The following SLC1A3 variants were observed in gnomAD, a reference collection of about 807,000 sequenced individuals.
SLC1A3 encodes the protein solute carrier family 1 member 3, also known as excitatory amino acid transporter 1.
A neutral mutation model predicts 48.1 loss-of-function variants in SLC1A3; 21 were observed. The observed-to-expected ratio is 0.44, with a 90% CI of 0.31 to 0.63. SLC1A3 has a LOEUF of 0.63. Ranked by LOEUF, SLC1A3 falls within the 20% of genes least tolerant of loss-of-function variation. SLC1A3 has a pLI of 0.08. For synonymous variants in SLC1A3, 239 were observed against 251.4 expected, an observed-to-expected ratio of 0.95 and a Z score of 0.47; for missense variants, 546 against 689.0, an observed-to-expected ratio of 0.79 and a Z score of 2.32.
intron 3 of SLC1A3, chr5:36,669,761 C>A (rs1445309091): frequency 1.3e-5 from 2 of 152,072 alleles, no homozygotes; most frequent in African/African-American, 4.8e-5. Context: ...AACCAGTTAT[C>A]TGGCAATCGT....
chr5:36,623,510 G>C (rs771829702), intron 2 of SLC1A3, among the ~76,000 whole-genome samples: 20 of 151,994 alleles, frequency 1.3e-4, no homozygotes, highest in Non-Finnish European at 2.2e-4. Flanking sequence ...TCAAATAAGT[G>C]ACCACTAATG....
chr5:36,662,481 TC>T (rs1241015064), intron 3 of SLC1A3, among the ~76,000 whole-genome samples: 3 of 152,150 alleles, frequency 2.0e-5, no homozygotes, highest in East Asian at 3.8e-4. Flanking sequence ...TAATCACGAC[TC>T]CCCGGCCCAT....
intron 3 of SLC1A3, among the ~76,000 whole-genome samples, chr5:36,650,074 A>T (rs963852820): frequency 6.6e-6 from 1 of 152,232 alleles, no homozygotes; most frequent in Non-Finnish European, 1.5e-5. Flanking sequence ...CTATGGGAAT[A>T]TCAGTCTACC....
chr5:36,663,651 A>C (rs1402069815), intron 3 of SLC1A3, among the ~76,000 whole-genome samples: 1 of 152,202 alleles, frequency 6.6e-6, no homozygotes, highest in Non-Finnish European at 1.5e-5. Context: ...GTGCCATCAC[A>C]CGTGGCAAAT....
intron 7 of SLC1A3, 159 bp from the exon 8 acceptor site, chr5:36,680,236 C>T: frequency 1.4e-6 from 1 of 707,952 alleles, no homozygotes; most frequent in Non-Finnish European, 2.5e-6. Flanking sequence ...GGGGACCACA[C>T]TGTTCTTAAC....
intron 3 of SLC1A3, among the ~76,000 whole-genome samples, chr5:36,655,820 T>G (rs1299228164): frequency 6.6e-6 from 1 of 152,176 alleles, no homozygotes; most frequent in Non-Finnish European, 1.5e-5. Context: ...GACTTTTTGA[T>G]GACAGAATGG....
At chr5:36,668,956 T>C (rs1305221146) in intron 3 of SLC1A3, 1 of 152,026 alleles carries the variant, frequency 6.6e-6, no homozygotes, top group Non-Finnish European at 1.5e-5. Context: ...TAGCTGTAGG[T>C]CGAGAATAGT....
chr5:36,678,031 G>A (rs1742282881), intron 6 of SLC1A3, among the ~76,000 whole-genome samples: 2 of 152,214 alleles, frequency 1.3e-5, no homozygotes, highest in Admixed American at 6.5e-5. Flanking sequence ...ATTGACCTTG[G>A]AAAGTAAACT....
chr5:36,676,120 T>C (rs1171812878), intron 5 of SLC1A3, among the ~76,000 whole-genome samples: 4 of 152,188 alleles, frequency 2.6e-5, no homozygotes, highest in Non-Finnish European at 5.9e-5. Context: ...AACCCCACTA[T>C]AGACTTGGAG....
intron 6 of SLC1A3, 122 bp from the exon 7 acceptor site, chr5:36,679,505 T>C (rs1215896862): frequency 1.3e-6 from 1 of 762,116 alleles, no homozygotes; most frequent in African/African-American, 1.7e-5. Flanking sequence ...GTCCTAATGG[T>C]ATCCTGGGCA....
intron 1 of SLC1A3, chr5:36,607,036 A>C (rs1330074364): frequency 2.1e-5 from 1 of 46,688 alleles, no homozygotes; most frequent in Non-Finnish European, 3.9e-5. Context: ...CAGAGCTATT[A>C]GTTTAAAAAA....
intron 3 of SLC1A3, among the ~76,000 whole-genome samples, chr5:36,639,832 A>G (rs1740540840): frequency 6.6e-6 from 1 of 152,264 alleles, no homozygotes; most frequent in East Asian, 1.9e-4. Context: ...TACGCTGCGC[A>G]TGCACGCACG....
chr5:36,637,857 C>T (rs1740453938), intron 3 of SLC1A3, among the ~76,000 whole-genome samples: 1 of 152,050 alleles, frequency 6.6e-6, no homozygotes, highest in South Asian at 2.1e-4. Flanking sequence ...AGAGGTAGTG[C>T]CCAGCTTCCA....
chr5:36,653,953 C>T (rs1314454736), intron 3 of SLC1A3, among the ~76,000 whole-genome samples: 2 of 152,238 alleles, frequency 1.3e-5, no homozygotes, highest in African/African-American at 2.4e-5. Context: ...AAGTGATTCT[C>T]CTGCCTCAGC....
chr5:36,609,368 T>C (rs1739102006), intron 2 of SLC1A3: 1 of 557,598 alleles, frequency 1.8e-6, no homozygotes, highest in Non-Finnish European at 2.3e-6. Context: ...CCTACTTATT[T>C]GGAATTTTTG....
At chr5:36,644,234 G>A (rs1447094362) in intron 3 of SLC1A3, among the ~76,000 whole-genome samples, 1 of 152,050 alleles carries the variant, frequency 6.6e-6, no homozygotes, top group Non-Finnish European at 1.5e-5. Context: ...GGTGTGAGAG[G>A]ATTCTTGCTC....
At chr5:36,600,791 G>A (rs1738799725) in intron 1 of SLC1A3, among the ~76,000 whole-genome samples, 1 of 152,164 alleles carries the variant, frequency 6.6e-6, no homozygotes, top group Non-Finnish European at 1.5e-5. Context: ...ATTTGACTCA[G>A]GAGCACAGCC....
At chr5:36,629,408 A>C in intron 2 of SLC1A3, 42 bp from the exon 3 acceptor site, 1 of 1,576,448 alleles carries the variant, frequency 6.3e-7, no homozygotes, top group Non-Finnish European at 8.7e-7. Context: ...GTTTCAAAAA[A>C]GACTCAATTT....
chr5:36,608,168 T>A (rs910723271), intron 1 of SLC1A3, 161 bp from the exon 2 acceptor site: 19 of 460,774 alleles, frequency 4.1e-5, no homozygotes, highest in African/African-American at 3.7e-4. Context: ...CGTGGTCCAC[T>A]AAAATATGCA....
Sources: allele counts gnomAD v4.1 joint callset (sites outside exome capture counted in the v4.1 genomes callset), GRCh38; gene constraint gnomAD v4.1.1; transcripts MANE v1.5; gene names NCBI Gene and HGNC (gene_info 2026-07-23, HGNC 2026-07-21).